Variants in RABGEF1 observed in about 807,000 individuals in gnomAD.
RABGEF1 encodes the protein rab5 GDP/GTP exchange factor.
Under a neutral mutation model 57.3 loss-of-function variants are expected in RABGEF1, and 26 were observed. The observed-to-expected ratio is 0.45, with a 90% CI of 0.33 to 0.63. The LOEUF is 0.63. Ranked by LOEUF, RABGEF1 falls within the 20% of genes least tolerant of loss-of-function variation. The pLI is 0.02. For synonymous variants in RABGEF1, 185 were observed against 210.7 expected (o/e 0.88, Z 1.06); for missense variants, 464 against 607.6 (o/e 0.76, Z 2.48).
chr7:66,805,707 T>C (rs1227893988), intron 8 of RABGEF1, among the ~76,000 whole-genome samples: 4 of 152,164 alleles, frequency 2.6e-5, no homozygotes, highest in Non-Finnish European at 1.5e-5. Context: ...AGGCAAATTA[T>C]GTATAAGTTA....
the RABGEF1 span, among the ~76,000 whole-genome samples, chr7:66,655,284 A>T: frequency 0.039 from 6,010 of 152,236 alleles, 167 homozygotes; most frequent in East Asian, 0.089. Context: ...AGAGATGTCC[A>T]TCACGGCAGT....
At chr7:66,661,389 C>G in the RABGEF1 span, among the ~76,000 whole-genome samples, 1 of 150,582 alleles carries the variant, frequency 6.6e-6, no homozygotes, top group Non-Finnish European at 1.5e-5. Flanking sequence ...GGTACACTAG[C>G]AAATTGAATA....
At chr7:66,747,888 C>T (rs890707130) in intron 1 of RABGEF1, among the ~76,000 whole-genome samples, 6 of 151,954 alleles carry the variant, frequency 3.9e-5, no homozygotes, top group Non-Finnish European at 7.4e-5. Context: ...TACAAAGATA[C>T]GTGCGACATA....
At chr7:66,710,562 T>A (rs1794653539) in intron 1 of RABGEF1, among the ~76,000 whole-genome samples, 1 of 152,240 alleles carries the variant, frequency 6.6e-6, no homozygotes, top group African/African-American at 2.4e-5. Flanking sequence ...TCAGCCCTTT[T>A]AATTTTAGCC....
intron 1 of RABGEF1, among the ~76,000 whole-genome samples, chr7:66,687,746 A>G (rs1790905609): frequency 6.6e-6 from 1 of 152,190 alleles, no homozygotes; most frequent in East Asian, 1.9e-4. Context: ...CAAAGACACA[A>G]TGAGATTGAA....
rs767120366 is a variant in RABGEF1, at chr7:66,804,588, A to T, written c.821-552A>T. 7.2e-5 allele frequency among the ~76,000 whole-genome samples: 11 copies of T among 152,274 alleles called. 1 individual carries two copies. The South Asian group carries it at 1.5e-3, about 20-fold the overall frequency. On this transcript the variant is annotated intron_variant, in intron 7 of 8. Transcript: ENST00000284957. ...CGTTTCTACTAAAAATACAAAAAGT[A>T]GCTGGGTGTGGTGGCGGGCATCTGT...
chr7:66,801,906 AG>A (rs1787376161), intron 7 of RABGEF1, among the ~76,000 whole-genome samples: 1 of 152,030 alleles, frequency 6.6e-6, no homozygotes, highest in East Asian at 1.9e-4. Flanking sequence ...TTATTTAGTT[AG>A]TTAGTTAGTT....
chr7:66,724,481 T>C (rs1796385953), intron 2 of RABGEF1, among the ~76,000 whole-genome samples: 1 of 152,150 alleles, frequency 6.6e-6, no homozygotes, highest in Non-Finnish European at 1.5e-5. Context: ...TGCCTCAGCC[T>C]CCCGAGTAGC....
At chr7:66,686,820 T>C (rs897930074) in intron 1 of RABGEF1, among the ~76,000 whole-genome samples, 2 of 151,758 alleles carry the variant, frequency 1.3e-5, no homozygotes, top group Non-Finnish European at 2.9e-5. Flanking sequence ...GAACTTTTTT[T>C]TCTTTTTCTT....
Position 66,809,533 on chromosome 7 carries a change from C to A in RABGEF1, c.*249C>A. 1 of 366,716 alleles carries A rather than the reference C, an allele frequency of 2.7e-6. No individual in the cohort carries two copies. 22.7% of individuals were successfully genotyped at this position (366,716 alleles called of 1,614,324 possible). Reference sequence around the variant, plus strand: ...TGCAAATTTTGTCTCAATCTTTTTTCCCTCCATGATTTTCCTATGTGCTTC... The same window carrying A: ...TGCAAATTTTGTCTCAATCTTTTTTACCTCCATGATTTTCCTATGTGCTTC... On this transcript the variant is annotated 3_prime_UTR_variant, in exon 9 of 9. Coordinates refer to ENST00000284957, the MANE Select transcript of RABGEF1 (RefSeq NM_014504.3).
At chr7:66,687,875 C>A (rs548364367) in intron 1 of RABGEF1, among the ~76,000 whole-genome samples, 2 of 151,998 alleles carry the variant, frequency 1.3e-5, no homozygotes, top group Non-Finnish European at 2.9e-5. Flanking sequence ...CCCTTGAGGT[C>A]GGGAGTTCAA....
chr7:66,772,172 G>A, intron 2 of RABGEF1, 94 bp downstream of exon 2: 1 of 1,044,302 alleles, frequency 9.6e-7, no homozygotes. Flanking sequence ...TCTGCTTTGA[G>A]CTATCAGCAA....
intron 2 of RABGEF1, among the ~76,000 whole-genome samples, chr7:66,722,456 A>G (rs1186961387): frequency 2.0e-5 from 3 of 152,224 alleles, no homozygotes; most frequent in Non-Finnish European, 4.4e-5. Flanking sequence ...AAAAAGACAA[A>G]AAAACCCTGT....
intron 6 of RABGEF1, among the ~76,000 whole-genome samples, chr7:66,797,788 G>A (rs766205289): frequency 2.0e-5 from 3 of 152,154 alleles, no homozygotes; most frequent in Non-Finnish European, 2.9e-5. Flanking sequence ...TGTGTTCTTG[G>A]TCCATTACCA....
At chr7:66,706,958 G>A (rs917210029) in intron 1 of RABGEF1, among the ~76,000 whole-genome samples, 1 of 141,268 alleles carries the variant, frequency 7.1e-6, no homozygotes, top group African/African-American at 2.6e-5. Context: ...ATTTTTTTTT[G>A]GTATTTTTAG....
In RABGEF1 at chr7:66,697,141, TGA is replaced by T. The variant is rs1792474701; in HGVS notation, c.-873+14887_-873+14888del. On this transcript the variant is annotated intron_variant and NMD_transcript_variant, in intron 1 of 9. Coordinates refer to the RABGEF1 transcript ENST00000607882. ...GGGTGGAGGGGGTGCAGAGCAGGAG[TGA>T]GAGGGGCTGGGAAGAACCTCCGTCC... 4.6e-5 allele frequency among the ~76,000 whole-genome samples: 7 copies of T among 151,362 alleles called. No homozygotes were observed. In the South Asian group the frequency reaches 1.5e-3, roughly 32 times the overall value.
intron 1 of RABGEF1, among the ~76,000 whole-genome samples, chr7:66,700,992 C>A (rs1458591955): frequency 6.6e-6 from 1 of 152,170 alleles, no homozygotes; most frequent in East Asian, 1.9e-4. Flanking sequence ...TGTCTTGCAG[C>A]CCAAGGAAGC....
chr7:66,756,563 AT>A (rs1023152942), intron 1 of RABGEF1, among the ~76,000 whole-genome samples: 1 of 151,358 alleles, frequency 6.6e-6, no homozygotes, highest in South Asian at 2.1e-4. Context: ...TCCTGTTCAG[AT>A]TTTTTTTTCT....
chr7:66,780,483 A>C (rs1809638469), intron 3 of RABGEF1, among the ~76,000 whole-genome samples: 1 of 152,250 alleles, frequency 6.6e-6, no homozygotes, highest in Non-Finnish European at 1.5e-5. Context: ...TATGTAAGTT[A>C]CTAACATTAT....
Sources: gnomAD v4.1 joint callset for allele counts (sites outside exome capture counted in the v4.1 genomes callset) on GRCh38, gnomAD v4.1.1 for gene constraint, MANE v1.5 for transcripts, NCBI Gene and HGNC (gene_info 2026-07-23, HGNC 2026-07-21) for gene names.